The following TRDN variants were observed in gnomAD, a reference collection of about 807,000 sequenced individuals.
The protein encoded by TRDN is triadin.
In TRDN, 161 loss-of-function variants were observed where a neutral mutation model predicts 149.7. That is an observed-to-expected ratio of 1.08 (90% CI 0.95 to 1.23). The LOEUF (loss-of-function observed/expected upper bound fraction) is 1.23. Among genes scored for constraint, TRDN ranks in the 50% most tolerant of loss-of-function variants. TRDN has a pLI of 0.00. For synonymous variants in TRDN, 294 were observed against 250.5 expected (o/e 1.17, Z -1.64); for missense variants, 896 against 823.5 (o/e 1.09, Z -1.08).
intron 12 of TRDN, among the ~76,000 whole-genome samples, chr6:123,410,033 A>T (rs1403999376): frequency 2.6e-5 from 4 of 152,354 alleles, no homozygotes; most frequent in African/African-American, 9.6e-5. Flanking sequence ...AGATGAAGCC[A>T]GAGAAAGATC....
chr6:123,511,835 T>C (rs1583169281), intron 7 of TRDN, among the ~76,000 whole-genome samples: 2 of 152,102 alleles, frequency 1.3e-5, no homozygotes, highest in African/African-American at 4.8e-5. Flanking sequence ...TCTCACGTTT[T>C]CAAGACAGCC....
chr6:123,220,967 T>G (rs1453898345), intron 40 of TRDN, among the ~76,000 whole-genome samples: 1 of 151,842 alleles, frequency 6.6e-6, no homozygotes, highest in Non-Finnish European at 1.5e-5. Context: ...CATTGAATTT[T>G]GTAACTGCAC....
chr6:123,601,018 T>C (rs1173837747), intron 1 of TRDN, among the ~76,000 whole-genome samples: 1 of 152,080 alleles, frequency 6.6e-6, no homozygotes, highest in African/African-American at 2.4e-5. Flanking sequence ...AACATACATG[T>C]TGTATCTACC....
intron 1 of TRDN, among the ~76,000 whole-genome samples, chr6:123,632,613 T>A (rs1185360933): frequency 2.6e-5 from 4 of 152,070 alleles, no homozygotes; most frequent in Non-Finnish European, 4.4e-5. Flanking sequence ...AAATAATATA[T>A]GTGGTATGTT....
At chr6:123,387,407 A>C (rs1781945821) in intron 14 of TRDN, among the ~76,000 whole-genome samples, 1 of 152,300 alleles carries the variant, frequency 6.6e-6, no homozygotes, top group East Asian at 1.9e-4. Flanking sequence ...CAATACAAAA[A>C]TATGGTGAAA....
chr6:123,254,175 G>A (rs1374506622), intron 37 of TRDN, among the ~76,000 whole-genome samples: 1 of 151,900 alleles, frequency 6.6e-6, no homozygotes, highest in Middle Eastern at 3.4e-3. Context: ...TATCTCAAAG[G>A]ATATTAAACA....
At chr6:123,517,507 T>C (rs1240421987) in intron 5 of TRDN, among the ~76,000 whole-genome samples, 1 of 152,158 alleles carries the variant, frequency 6.6e-6, no homozygotes, top group Non-Finnish European at 1.5e-5. Context: ...ATCTGTCACA[T>C]AGTGGGTGCT....
At chr6:123,238,309 T>C (rs1388423592) in intron 38 of TRDN, among the ~76,000 whole-genome samples, 2 of 152,192 alleles carry the variant, frequency 1.3e-5, no homozygotes, top group African/African-American at 4.8e-5. Flanking sequence ...AAAATTACCA[T>C]GTAAGTCAAG....
At chr6:123,560,580 G>A (rs1781931931) in intron 2 of TRDN, among the ~76,000 whole-genome samples, 1 of 152,020 alleles carries the variant, frequency 6.6e-6, no homozygotes, top group Non-Finnish European at 1.5e-5. Context: ...CCATCAAAAG[G>A]GCTCAGATCC....
intron 21 of TRDN, among the ~76,000 whole-genome samples, chr6:123,348,887 T>C (rs1780352649): frequency 6.6e-6 from 1 of 152,190 alleles, no homozygotes; most frequent in Non-Finnish European, 1.5e-5. Context: ...ACAGACATAA[T>C]TGACACACAT....
At chr6:123,583,549 G>C (rs1013482836) in intron 1 of TRDN, among the ~76,000 whole-genome samples, 3 of 149,122 alleles carry the variant, frequency 2.0e-5, no homozygotes, top group African/African-American at 7.5e-5. Flanking sequence ...AGGACCGTAA[G>C]GGATATAAAG....
At chr6:123,467,452 G>C (rs1345399698) in intron 9 of TRDN, among the ~76,000 whole-genome samples, 1 of 151,886 alleles carries the variant, frequency 6.6e-6, no homozygotes, top group South Asian at 2.1e-4. Context: ...TTTTTATTCT[G>C]CTCTCTAACA....
At chr6:123,341,710 T>C (rs974299138) in intron 21 of TRDN, among the ~76,000 whole-genome samples, 6 of 151,934 alleles carry the variant, frequency 3.9e-5, no homozygotes, top group African/African-American at 1.2e-4. Flanking sequence ...ATTTAACATA[T>C]TTAGGGGATG....
intron 38 of TRDN, among the ~76,000 whole-genome samples, chr6:123,247,689 G>GAT (rs1387344929): frequency 2.6e-5 from 4 of 152,042 alleles, no homozygotes; most frequent in Non-Finnish European, 5.9e-5. Flanking sequence ...GTAATTTATG[G>GAT]ATTCAAAGCT....
intron 10 of TRDN, among the ~76,000 whole-genome samples, chr6:123,440,489 A>G (rs1774817080): frequency 6.6e-6 from 1 of 152,214 alleles, no homozygotes; most frequent in African/African-American, 2.4e-5. Context: ...TGTAGTAGTG[A>G]ATTTTACATC....
intron 9 of TRDN, chr6:123,471,776 T>C (rs1303781395): frequency 6.6e-6 from 1 of 152,222 alleles, no homozygotes; most frequent in African/African-American, 2.4e-5. Context: ...TGTTTTTTTC[T>C]TTCTCACCTC....
chr6:123,573,777 A>T (rs1782692396), intron 1 of TRDN, among the ~76,000 whole-genome samples: 2 of 152,176 alleles, frequency 1.3e-5, no homozygotes, highest in South Asian at 4.1e-4. Flanking sequence ...TACAAACATT[A>T]TCACTATAAC....
chr6:123,520,613 C>T (rs375211885), intron 5 of TRDN, among the ~76,000 whole-genome samples: 1 of 152,040 alleles, frequency 6.6e-6, no homozygotes, highest in African/African-American at 2.4e-5. Context: ...GGCAAATTAC[C>T]CAAAGTTGTA....
chr6:123,346,163 T>C (rs1230241571), intron 21 of TRDN, among the ~76,000 whole-genome samples: 1 of 152,052 alleles, frequency 6.6e-6, no homozygotes, highest in Non-Finnish European at 1.5e-5. Context: ...AGCTGTAGGA[T>C]TTTTGTAAAA....
Sources: allele counts gnomAD v4.1 joint callset (sites outside exome capture counted in the v4.1 genomes callset), GRCh38; gene constraint gnomAD v4.1.1; transcripts MANE v1.5; gene names NCBI Gene and HGNC (gene_info 2026-07-23, HGNC 2026-07-21).